Variants in ATG7 observed in about 807,000 individuals in gnomAD.
ATG7 encodes the protein autophagy related 7.
A neutral mutation model predicts 82.4 loss-of-function variants in ATG7; 70 were observed. The observed-to-expected ratio is 0.85, with a 90% CI of 0.70 to 1.04. The LOEUF (loss-of-function observed/expected upper bound fraction) is 1.04, where lower values mean the gene tolerates loss of function less well. ATG7 is among the 50% of genes least tolerant of loss of function. ATG7 has a pLI of 0.00. For missense variants in ATG7, 792 were observed against 864.3 expected (o/e 0.92, Z 1.05); for synonymous variants, 287 against 313.0 (o/e 0.92, Z 0.88).
chr3:11,415,829 T>A (rs1040509057), intron 19 of ATG7, among the ~76,000 whole-genome samples: 2 of 151,978 alleles, frequency 1.3e-5, no homozygotes, highest in Non-Finnish European at 2.9e-5. Context: ...TATAGTATAG[T>A]AAATATATAA....
At chr3:11,528,718 C>T (rs1028185598) in intron 20 of ATG7, among the ~76,000 whole-genome samples, 6 of 146,812 alleles carry the variant, frequency 4.1e-5, no homozygotes, top group African/African-American at 5.0e-5. Flanking sequence ...CCCAGCTACT[C>T]GGGAGGCTGA....
At chr3:11,558,540 G>A, downstream of ATG7, 1 of 1,506,502 alleles carries the variant, frequency 6.6e-7, no homozygotes, top group Non-Finnish European at 8.9e-7. Flanking sequence ...ACGTGTTGTT[G>A]GAGGAGGCGC....
intron 19 of ATG7, among the ~76,000 whole-genome samples, chr3:11,412,532 G>A (rs1002405398): frequency 2.0e-5 from 3 of 151,956 alleles, no homozygotes; most frequent in Non-Finnish European, 2.9e-5. Context: ...GTCTTTATGC[G>A]GTACTATGCT....
intron 14 of ATG7, among the ~76,000 whole-genome samples, chr3:11,356,784 T>A (rs995166432): frequency 6.6e-6 from 1 of 152,190 alleles, no homozygotes; most frequent in Admixed American, 6.5e-5. Context: ...TGGTACATAG[T>A]AGGTGCACAA....
At position 11,364,098 on chromosome 3, in the gene ATG7, A is replaced by C. The variant is rs115441593; in HGVS notation, c.1800-561A>C. ...GTTTAAACACCAGGTCCTGTGTCAC[A>C]TCTTTTTGGTGCCACAAGTATCACT... On this transcript the variant is annotated intron_variant, in intron 17 of 20. Transcript: ENST00000693202. Among the ~76,000 whole-genome samples the C allele has an allele frequency of 2.5e-3, 377 of 152,332 alleles. 3 individuals carry two copies. Among genetic ancestry groups the C allele is most frequent in the African/African-American group, 8.8e-3 (366 of 41,588 alleles).
chr3:11,332,339 A>G (rs1304918546), intron 10 of ATG7, among the ~76,000 whole-genome samples: 1 of 152,260 alleles, frequency 6.6e-6, no homozygotes, highest in Non-Finnish European at 1.5e-5. Flanking sequence ...AAACCAATGT[A>G]TGGACTTAGA....
At chr3:11,399,246 G>A (rs558196393) in intron 19 of ATG7, among the ~76,000 whole-genome samples, 1 of 152,286 alleles carries the variant, frequency 6.6e-6, no homozygotes, top group African/African-American at 2.4e-5. Context: ...TACTCAGGAG[G>A]CTGAGGCAGG....
At chr3:11,553,132 C>T (rs150759904) in intron 20 of ATG7, among the ~76,000 whole-genome samples, 2,000 of 152,258 alleles carry the variant, frequency 0.013, 52 homozygotes, top group African/African-American at 0.045. Context: ...CTTGCCCCAT[C>T]ACCTCCCACC....
intron 18 of ATG7, among the ~76,000 whole-genome samples, chr3:11,372,832 G>T (rs1316245481): frequency 4.5e-5 from 1 of 22,318 alleles, no homozygotes; most frequent in African/African-American, 1.3e-4. Context: ...GTGTGCGTGT[G>T]TGTGCGTGCG....
intron 9 of ATG7, among the ~76,000 whole-genome samples, chr3:11,321,638 A>G (rs933366917): frequency 3.3e-5 from 5 of 152,152 alleles, no homozygotes; most frequent in Admixed American, 1.3e-4. Flanking sequence ...TCAGCTCACA[A>G]TGTGTTGGGG....
chr3:11,507,823 T>A (rs2091822366), intron 20 of ATG7, among the ~76,000 whole-genome samples: 1 of 152,160 alleles, frequency 6.6e-6, no homozygotes, highest in Non-Finnish European at 1.5e-5. Flanking sequence ...GGCAACCATT[T>A]CCTGCTTAAA....
intron 20 of ATG7, among the ~76,000 whole-genome samples, chr3:11,483,820 T>G (rs1436996627): frequency 2.6e-5 from 4 of 152,300 alleles, no homozygotes; most frequent in African/African-American, 9.6e-5. Context: ...CGGTAGAATT[T>G]AAAGAACATC....
chr3:11,550,989 G>A (rs1422573104), intron 20 of ATG7, among the ~76,000 whole-genome samples: 1 of 151,944 alleles, frequency 6.6e-6, no homozygotes, highest in East Asian at 1.9e-4. Flanking sequence ...GCGGGGTAAG[G>A]CATGGAATCA....
intron 14 of ATG7, among the ~76,000 whole-genome samples, chr3:11,355,372 G>A (rs2075863221): frequency 6.6e-6 from 1 of 152,108 alleles, no homozygotes; most frequent in South Asian, 2.1e-4. Context: ...AACAAAAAAT[G>A]GTAACTTAGT....
In ATG7 at chr3:11,422,740, C is replaced by CTTTTTTTTTT. The variant is rs557755646; in HGVS notation, c.1957-4044_1957-4035dup. ...CCTCACTATGCTTAATCATTTCTAG[C>CTTTTTTTTTT]TTTTTTTTTTTTTTTTTTTTTTTTT... On this transcript the variant is annotated intron_variant, in intron 19 of 20. Coordinates refer to ENST00000693202, the MANE Select transcript of ATG7 (RefSeq NM_001349232.2). 3.5e-3 allele frequency among the ~76,000 whole-genome samples: 172 copies of CTTTTTTTTTT among 49,550 alleles called. 51 individuals are homozygous for CTTTTTTTTTT. The highest frequency in any genetic ancestry group is 0.013 in the African/African-American group (131 of 9,870). The allele number at this position is 49,550 out of a possible 152,430, so 32.5% of individuals were successfully genotyped here. A position where few individuals can be genotyped will look rare whatever the true frequency, so the allele number is the denominator to read the frequency against.
chr3:11,558,280 C>G (rs1388918734), downstream of ATG7: 3 of 540,150 alleles, frequency 5.6e-6, no homozygotes, highest in Non-Finnish European at 9.7e-6. Flanking sequence ...AGACCTGCAT[C>G]AGAGGTTTCT....
chr3:11,341,717 G>A (rs1250106750), intron 12 of ATG7, among the ~76,000 whole-genome samples: 2 of 152,228 alleles, frequency 1.3e-5, no homozygotes, highest in Non-Finnish European at 2.9e-5. Context: ...CAAAGCGCTA[G>A]GATTACAGGC....
At chr3:11,355,877 A>G (rs1367373528) in intron 14 of ATG7, among the ~76,000 whole-genome samples, 3 of 152,340 alleles carry the variant, frequency 2.0e-5, no homozygotes, top group Admixed American at 1.3e-4. Context: ...ACATATATAC[A>G]TGAAAATACT....
At chr3:11,331,781 C>A (rs1421358522) in intron 10 of ATG7, among the ~76,000 whole-genome samples, 1 of 152,054 alleles carries the variant, frequency 6.6e-6, no homozygotes, top group Non-Finnish European at 1.5e-5. Flanking sequence ...TTTTCTTAAC[C>A]CTAAAATAAT....
Sources: gnomAD v4.1 joint callset for allele counts (sites outside exome capture counted in the v4.1 genomes callset) on GRCh38, gnomAD v4.1.1 for gene constraint, MANE v1.5 for transcripts, NCBI Gene and HGNC (gene_info 2026-07-23, HGNC 2026-07-21) for gene names.